The following RBFOX1 variants were observed in gnomAD, a reference collection of about 807,000 sequenced individuals.
The protein encoded by RBFOX1 is RNA binding fox-1 homolog 1.
Under a neutral mutation model 57.7 loss-of-function variants are expected in RBFOX1, and 8 were observed. The ratio of observed to expected loss-of-function variants is 0.14; its 90% CI spans 0.08 to 0.25. RBFOX1 has a LOEUF of 0.25. Ranked by LOEUF, RBFOX1 falls within the 10% of genes least tolerant of loss-of-function variation. The probability of loss-of-function intolerance (pLI) is 1.00; values close to 1 mark genes in which losing one functional copy is unlikely to be tolerated. For missense variants in RBFOX1, 611 were observed against 548.5 expected, an observed-to-expected ratio of 1.11 and a Z score of -1.14; for synonymous variants, 326 against 222.4, an observed-to-expected ratio of 1.47 and a Z score of -4.15.
intron 1 of RBFOX1, among the ~76,000 whole-genome samples, chr16:6,071,716 T>G (rs2095840049): frequency 6.6e-6 from 1 of 152,190 alleles, no homozygotes; most frequent in Non-Finnish European, 1.5e-5. Context: ...CAGTGTAACT[T>G]CAAGCTAATT....
At chr16:6,760,856 C>T (rs1056745059) in intron 3 of RBFOX1, among the ~76,000 whole-genome samples, 2 of 152,110 alleles carry the variant, frequency 1.3e-5, no homozygotes, top group Non-Finnish European at 2.9e-5. Flanking sequence ...AGTGGCGCTG[C>T]CTCTGGTCAA....
chr16:6,179,071 C>G (rs2097040011), intron 1 of RBFOX1, among the ~76,000 whole-genome samples: 2 of 152,106 alleles, frequency 1.3e-5, no homozygotes, highest in African/African-American at 4.8e-5. Context: ...TGATAAGGTA[C>G]TGGAAGAACA....
intron 3 of RBFOX1, among the ~76,000 whole-genome samples, chr16:5,658,843 A>G (rs896810268): frequency 6.7e-6 from 1 of 148,280 alleles, no homozygotes; most frequent in African/African-American, 2.5e-5. Flanking sequence ...TATATATATA[A>G]TATATGTATA....
chr16:7,482,874 A>T (rs772766249), intron 4 of RBFOX1, among the ~76,000 whole-genome samples: 1 of 152,164 alleles, frequency 6.6e-6, no homozygotes, highest in South Asian at 2.1e-4. Flanking sequence ...TAGATGTTGC[A>T]GAAGCAAAGA....
chr16:5,895,990 G>A (rs987063698), intron 4 of RBFOX1, among the ~76,000 whole-genome samples: 16 of 152,168 alleles, frequency 1.1e-4, no homozygotes, highest in African/African-American at 1.4e-4. Context: ...GAGGAAGTAC[G>A]ACAAACTTGG....
intron 4 of RBFOX1, among the ~76,000 whole-genome samples, chr16:7,084,213 A>G (rs1183725917): frequency 1.3e-5 from 2 of 152,086 alleles, no homozygotes; most frequent in Non-Finnish European, 2.9e-5. Context: ...ATATAACAGA[A>G]CACTGTGCTG....
At chr16:7,679,537 T>G (rs962677184) in intron 14 of RBFOX1, among the ~76,000 whole-genome samples, 11 of 152,200 alleles carry the variant, frequency 7.2e-5, no homozygotes, top group African/African-American at 2.7e-4. Flanking sequence ...TTCCCTGTAA[T>G]CATGAGATTC....
chr16:5,478,636 G>T (rs1428607997), intron 2 of RBFOX1, among the ~76,000 whole-genome samples: 1 of 152,134 alleles, frequency 6.6e-6, no homozygotes, highest in African/African-American at 2.4e-5. Flanking sequence ...GGAACAAATG[G>T]GTAGCATCTG....
intron 2 of RBFOX1, among the ~76,000 whole-genome samples, chr16:6,452,192 ACCCATGGCTTCT>A (rs2094644657): frequency 7.8e-6 from 1 of 128,572 alleles, no homozygotes; most frequent in African/African-American, 3.1e-5. Context: ...CCATGACTCC[ACCCATGGCTTCT>A]TCCTTCCATG....
At chr16:7,560,755 T>G (rs890531318) in intron 5 of RBFOX1, among the ~76,000 whole-genome samples, 3 of 152,140 alleles carry the variant, frequency 2.0e-5, no homozygotes, top group African/African-American at 7.2e-5. Flanking sequence ...AATGACATAA[T>G]TAGATGAGAG....
At chr16:7,571,562 T>C (rs2092779134) in intron 5 of RBFOX1, among the ~76,000 whole-genome samples, 1 of 152,194 alleles carries the variant, frequency 6.6e-6, no homozygotes, top group Admixed American at 6.5e-5. Context: ...AGTGGTGTTT[T>C]CTTAACATTT....
chr16:5,470,881 C>T (rs539034469), intron 2 of RBFOX1, among the ~76,000 whole-genome samples: 101 of 152,162 alleles, frequency 6.6e-4, no homozygotes, highest in African/African-American at 2.2e-3. Flanking sequence ...GACGGAGTTT[C>T]GCTCTCGTCA....
intron 3 of RBFOX1, among the ~76,000 whole-genome samples, chr16:6,669,134 T>C (rs2098749451): frequency 6.6e-6 from 1 of 152,198 alleles, no homozygotes; most frequent in Non-Finnish European, 1.5e-5. Flanking sequence ...ATTTTCTTCG[T>C]GTTGATCAAG....
chr16:6,384,060 C>CTTT (rs5815305), intron 2 of RBFOX1, among the ~76,000 whole-genome samples: 1 of 126,638 alleles, frequency 7.9e-6, no homozygotes, highest in Non-Finnish European at 1.7e-5. Context: ...ATTGGTTTTG[C>CTTT]TTTTTTTTTT....
chr16:5,666,492 C>T (rs900585068), intron 3 of RBFOX1, among the ~76,000 whole-genome samples: 29 of 152,088 alleles, frequency 1.9e-4, no homozygotes, highest in Non-Finnish European at 3.5e-4. Context: ...AGAAATAGAG[C>T]GATGGACAAG....
At position 6,713,430 on chromosome 16, in the gene RBFOX1, A is replaced by T. The variant is rs918035191; in HGVS notation, c.-16+58780A>T. On this transcript the variant is annotated intron_variant, in intron 3 of 15. Transcript: ENST00000550418. Reference sequence around the variant, plus strand: ...CAGTCTAAGATTTCTCAACCTTGGTATTGGGACATTTAGAGCTGAATAATG... The same window carrying T: ...CAGTCTAAGATTTCTCAACCTTGGTTTTGGGACATTTAGAGCTGAATAATG... Among the ~76,000 whole-genome samples the T allele has an allele frequency of 3.9e-5, 6 of 152,070 alleles. No homozygotes were observed. The East Asian group carries it at 7.7e-4, about 20-fold the overall frequency.
At chr16:6,407,741 A>T (rs923483923) in intron 2 of RBFOX1, among the ~76,000 whole-genome samples, 1 of 152,118 alleles carries the variant, frequency 6.6e-6, no homozygotes, top group Non-Finnish European at 1.5e-5. Context: ...AAAGTACCCA[A>T]TCACAGTATA....
intron 4 of RBFOX1, among the ~76,000 whole-genome samples, chr16:5,902,998 C>T (rs369405206): frequency 1.4e-4 from 22 of 152,252 alleles, no homozygotes; most frequent in Middle Eastern, 3.4e-3. Context: ...CCACCCTCAA[C>T]AAACGTGTGC....
chr16:5,285,774 T>G (rs903037544), intron 1 of RBFOX1, among the ~76,000 whole-genome samples: 5 of 152,172 alleles, frequency 3.3e-5, no homozygotes, highest in Non-Finnish European at 7.3e-5. Context: ...CAGTTTTTTT[T>G]TGTTGTTGTC....
Sources: allele counts gnomAD v4.1 joint callset (sites outside exome capture counted in the v4.1 genomes callset), GRCh38; gene constraint gnomAD v4.1.1; transcripts MANE v1.5; gene names NCBI Gene and HGNC (gene_info 2026-07-23, HGNC 2026-07-21).